The following KLHL3 variants were observed in gnomAD, a reference collection of about 807,000 sequenced individuals.
The protein encoded by KLHL3 is kelch like family member 3, also known as kelch-like protein 3.
In KLHL3, 19 loss-of-function variants were observed where a neutral mutation model predicts 70.5. That is an observed-to-expected ratio of 0.27 (90% CI 0.19 to 0.40). The LOEUF is 0.40. Ranked by LOEUF, KLHL3 falls within the 10% of genes least tolerant of loss-of-function variation. The pLI is 1.00. For missense variants in KLHL3, 512 were observed against 771.1 expected (o/e 0.66, Z 3.98); for synonymous variants, 258 against 290.3 (o/e 0.89, Z 1.13).
At chr5:137,675,046 A>G (rs1041625662) in intron 6 of KLHL3, among the ~76,000 whole-genome samples, 4 of 152,366 alleles carry the variant, frequency 2.6e-5, no homozygotes, top group South Asian at 2.1e-4. Flanking sequence ...CCTCAAAATT[A>G]CACTGCCAAC....
intron 11 of KLHL3, among the ~76,000 whole-genome samples, chr5:137,635,458 C>T (rs142470490): frequency 6.6e-5 from 10 of 152,350 alleles, no homozygotes; most frequent in Non-Finnish European, 1.5e-4. Flanking sequence ...CTTCTGCCTA[C>T]ACTCCAATCC....
chr5:137,628,419 C>T lies in KLHL3; in HGVS notation c.1469G>A (p.Gly490Glu). 6.2e-7 allele frequency: 1 copy of T among 1,614,192 alleles called. No individual in the cohort carries two copies. The highest frequency in any genetic ancestry group is 8.5e-7 in the Non-Finnish European group (1 of 1,180,046). Reference sequence around the variant, plus strand: ...ATGCCCACCTGTGGCGTACAGCTGTCCGCTAAGCACTCCAACCCCTGAAAG... The same window carrying T: ...ATGCCCACCTGTGGCGTACAGCTGTTCGCTAAGCACTCCAACCCCTGAAAG... The part of the protein sequence containing the change: ...RSGAGVGVLS[G>E]QLYATGGHDG... The change falls in exon 13 of 15, where the codon GGA becomes GAA. Residue 490 changes from glycine to glutamate, a missense_variant. Coordinates refer to ENST00000309755, the MANE Select transcript of KLHL3 (RefSeq NM_017415.3).
In KLHL3 at chr5:137,625,797, C is replaced by T; in HGVS notation, c.1691G>A (p.Trp564Ter). 2 of 1,614,154 alleles carry T rather than the reference C, an allele frequency of 1.2e-6. No homozygotes were observed. Among genetic ancestry groups the T allele is most frequent in the Non-Finnish European group, 8.5e-7 (1 of 1,180,038 alleles). ...VEYYNPVTDKWTLLPTNMSTG... is the reference protein window; with the variant it reads ...VEYYNPVTDK Reference sequence around the variant, plus strand: ...GCTCATGTTCGTTGGAAGCAGCGTCCATTTGTCAGTGACAGGATTGTAGTA... The same window carrying T: ...GCTCATGTTCGTTGGAAGCAGCGTCTATTTGTCAGTGACAGGATTGTAGTA... Residue 564 changes from tryptophan (W) to a stop codon, truncating the protein, a stop_gained, in exon 14 of 15, where the codon TGG becomes TAG. Coordinates refer to ENST00000309755, the MANE Select transcript of KLHL3 (RefSeq NM_017415.3). LOFTEE classifies it high-confidence loss of function.
Position 137,639,823 on chromosome 5 carries a change from G to A in KLHL3, c.1021+37C>T. The A allele has an allele frequency of 6.6e-7, 1 of 1,517,860 alleles. No homozygotes were observed. The highest frequency in any genetic ancestry group is 9.2e-7 in the Non-Finnish European group (1 of 1,092,410). The allele number at this position is 1,517,860 out of a possible 1,614,324, so 94.0% of individuals were successfully genotyped here. ...TTCTGGCACGGAGTGGGGACCAGCA[G>A]GGGAAAAACAGCTTGCAGAACTGGG... is the stretch of plus-strand genomic sequence containing the variant. On this transcript the variant is annotated intron_variant, in intron 9 of 14. Transcript: ENST00000309755. The surrounding 1 kb of genome is among the most constrained non-coding windows in gnomAD (Gnocchi z 5.0).
chr5:137,693,548 A>G (rs1752374069), intron 4 of KLHL3, among the ~76,000 whole-genome samples: 1 of 152,096 alleles, frequency 6.6e-6, no homozygotes, highest in Non-Finnish European at 1.5e-5. Context: ...GTCCCACTCC[A>G]GCTCTGCTAC....
intron 2 of KLHL3, among the ~76,000 whole-genome samples, chr5:137,716,880 C>T (rs1050284685): frequency 2.6e-5 from 4 of 152,294 alleles, no homozygotes; most frequent in African/African-American, 7.2e-5. Flanking sequence ...AGCTTAGTCA[C>T]GGTTACCAAG....
chr5:137,704,324 G>T (rs1752637756), intron 3 of KLHL3, among the ~76,000 whole-genome samples: 1 of 152,038 alleles, frequency 6.6e-6, no homozygotes, highest in Admixed American at 6.6e-5. Flanking sequence ...AGCGGAGCTT[G>T]CAGTGAGCCG....
At chr5:137,703,942 C>A (rs532145943) in intron 3 of KLHL3, among the ~76,000 whole-genome samples, 2 of 151,822 alleles carry the variant, frequency 1.3e-5, no homozygotes, top group Non-Finnish European at 2.9e-5. Flanking sequence ...AAAACTATGA[C>A]GTGCTCTACA....
At chr5:137,677,696 G>T in intron 5 of KLHL3, 42 bp from the exon 6 acceptor site, 1 of 1,251,460 alleles carries the variant, frequency 8.0e-7, no homozygotes, top group Non-Finnish European at 1.1e-6. Flanking sequence ...AAACAAAGTT[G>T]TAACACACTT....
chr5:137,732,037 T>TGGAG, intron 1 of KLHL3, among the ~76,000 whole-genome samples: 1 of 152,324 alleles, frequency 6.6e-6, no homozygotes, highest in African/African-American at 2.4e-5. Context: ...CATTTTACTT[T>TGGAG]CTGTCTCTAT....
intron 8 of KLHL3, among the ~76,000 whole-genome samples, chr5:137,646,776 C>A (rs1237353474): frequency 1.3e-5 from 2 of 152,170 alleles, no homozygotes; most frequent in Non-Finnish European, 2.9e-5. Flanking sequence ...ATTACTCAAT[C>A]AAATCAGCTT....
At position 137,634,185 on chromosome 5, in the gene KLHL3, T is replaced by A; in HGVS notation, c.1322-20A>T. On this transcript the variant is annotated intron_variant, in intron 11 of 14. Transcript: ENST00000309755. ...GCTTCCCTGCAATAGACAAAGTGGC[T>A]GAGTGTGGTGCCAGGGATACTGGCA... 6.3e-7 allele frequency: 1 copy of A among 1,590,300 alleles called. No homozygotes were observed. Among genetic ancestry groups the A allele is most frequent in the South Asian group, 1.1e-5 (1 of 88,040 alleles).
At position 137,717,313 on chromosome 5, in the gene KLHL3, C is replaced by T. The variant is rs184354595; in HGVS notation, c.134+3152G>A. Among the ~76,000 whole-genome samples the T allele has an allele frequency of 1.6e-3, 246 of 152,342 alleles. 1 individual carries two copies. Among genetic ancestry groups the T allele is most frequent in the African/African-American group, 5.5e-3 (230 of 41,572 alleles). On this transcript the variant is annotated intron_variant, in intron 2 of 14. Transcript: ENST00000309755. Reference sequence around the variant, plus strand: ...AGTTACAAAATCTGTAAGTTCTATACATTGAGCTACTGTAATCTTGGTCTT... The same window carrying T: ...AGTTACAAAATCTGTAAGTTCTATATATTGAGCTACTGTAATCTTGGTCTT...
chr5:137,723,751 A>G (rs1753040508), intron 1 of KLHL3, among the ~76,000 whole-genome samples: 1 of 152,212 alleles, frequency 6.6e-6, no homozygotes, highest in African/African-American at 2.4e-5. Context: ...TAGGATGGCC[A>G]CACAATGTCA....
At chr5:137,624,856 A>G (rs1750415937) in intron 14 of KLHL3, among the ~76,000 whole-genome samples, 1 of 152,082 alleles carries the variant, frequency 6.6e-6, no homozygotes, top group South Asian at 2.1e-4. Context: ...ACCAACTCTG[A>G]TGCCACCCCT....
chr5:137,721,982 A>G (rs1753005425), intron 1 of KLHL3, among the ~76,000 whole-genome samples: 1 of 152,236 alleles, frequency 6.6e-6, no homozygotes, highest in Non-Finnish European at 1.5e-5. Flanking sequence ...CCTTGGAGTT[A>G]CCGGTTTGAT....
chr5:137,734,049 G>A (rs1218991686), intron 1 of KLHL3, among the ~76,000 whole-genome samples: 2 of 152,184 alleles, frequency 1.3e-5, no homozygotes, highest in Non-Finnish European at 2.9e-5. Flanking sequence ...GAGGCCCCAG[G>A]ACAGGGGCAA....
chr5:137,724,543 A>G (rs996287912), intron 1 of KLHL3, among the ~76,000 whole-genome samples: 3 of 152,198 alleles, frequency 2.0e-5, no homozygotes, highest in Admixed American at 1.3e-4. Flanking sequence ...TATAATTCAC[A>G]CTAGAGCCTC....
At chr5:137,658,377 A>C in intron 7 of KLHL3, 97 bp from the exon 8 acceptor site, 4 of 1,126,400 alleles carry the variant, frequency 3.6e-6, no homozygotes, top group Non-Finnish European at 5.3e-6. Flanking sequence ...TCCCACACTC[A>C]TTCATTCCTT....
Sources: gnomAD v4.1 joint callset for allele counts (sites outside exome capture counted in the v4.1 genomes callset) on GRCh38, gnomAD v4.1.1 for gene constraint, Gnocchi (gnomAD v3.1) non-coding constraint, MANE v1.5 for transcripts, NCBI Gene and HGNC (gene_info 2026-07-23, HGNC 2026-07-21) for gene names.